Variants in KCNK12 observed in about 807,000 individuals in gnomAD.
KCNK12 encodes potassium channel subfamily K member 12.
Under a neutral mutation model 25.3 loss-of-function variants are expected in KCNK12, and 6 were observed. The ratio of observed to expected loss-of-function variants is 0.24; its 90% CI spans 0.13 to 0.47. The LOEUF is 0.47. Among genes scored for constraint, KCNK12 ranks in the 20% least tolerant of loss-of-function variants. KCNK12 has a pLI of 0.99. For missense variants in KCNK12, 444 were observed against 661.7 expected (o/e 0.67, Z 3.61); for synonymous variants, 331 against 311.1 (o/e 1.06, Z -0.67).
Position 47,557,514 on chromosome 2 carries a change from T to C in KCNK12, c.391+12427A>G, listed in dbSNP as rs1244012221. Among the ~76,000 whole-genome samples, 2 of 152,150 alleles carry C rather than the reference T, an allele frequency of 1.3e-5. No homozygotes were observed. Among genetic ancestry groups the C allele is most frequent in the African/African-American group, 2.4e-5 (1 of 41,444 alleles). On this transcript the variant is annotated intron_variant, in intron 1 of 1. Coordinates refer to ENST00000327876, the MANE Select transcript of KCNK12 (RefSeq NM_022055.2). This position sits in a 1 kb window ranked among gnomAD's most constrained non-coding sequence, Gnocchi z 4.9. ...ACAGACCAAGACAAGCTAAAATTCA[T>C]ACCCAAGACCAGGGCCCCCAGCATT...
Position 47,566,434 on chromosome 2 carries a change from GCA to G in KCNK12, c.391+3505_391+3506del, listed in dbSNP as rs931384057. On this transcript the variant is annotated intron_variant, in intron 1 of 1. Transcript: ENST00000327876. This position sits in a 1 kb window ranked among gnomAD's most constrained non-coding sequence, Gnocchi z 4.1. ...TGTGCACGTGTGTACACACACACGTGCACACACACATACACACACTGGTGCAA... is the reference window on the plus strand; with the variant it reads ...TGTGCACGTGTGTACACACACACGTGCACACACATACACACACTGGTGCAA... The G allele has an allele frequency of 1.4e-3, 206 of 151,722 alleles. 2 individuals carry two copies. The highest frequency in any genetic ancestry group is 4.8e-3 in the African/African-American group (200 of 41,350). 9.4% of individuals were successfully genotyped at this position (151,722 alleles called of 1,614,324 possible).
chr2:47,534,251 C>G (rs1210638689), intron 1 of KCNK12, among the ~76,000 whole-genome samples: 2 of 152,040 alleles, frequency 1.3e-5, no homozygotes, highest in African/African-American at 2.4e-5. Context: ...TGTGCTTTAT[C>G]TCTGGGATTA....
chr2:47,568,317 A>C (rs888194659), intron 1 of KCNK12, among the ~76,000 whole-genome samples: 2 of 151,980 alleles, frequency 1.3e-5, no homozygotes, highest in Non-Finnish European at 2.9e-5. Flanking sequence ...AAAAAAAAAA[A>C]AACTCTAGTT....
chr2:47,537,290 G>A (rs1487975449), intron 1 of KCNK12, among the ~76,000 whole-genome samples: 4 of 151,630 alleles, frequency 2.6e-5, no homozygotes, highest in Non-Finnish European at 5.9e-5. Context: ...ACTTAATTCC[G>A]TACATGGAGC....
chr2:47,554,766 G>C (rs1004152132), intron 1 of KCNK12, among the ~76,000 whole-genome samples: 1 of 152,238 alleles, frequency 6.6e-6, no homozygotes, highest in South Asian at 2.1e-4. Flanking sequence ...AAGGAGCATA[G>C]AGAAAGCTGG....
chr2:47,538,086 A>G lies in KCNK12; in HGVS notation c.392-16278T>C, dbSNP rs1182249395. Among the ~76,000 whole-genome samples, 1 of 152,240 alleles carries G rather than the reference A, an allele frequency of 6.6e-6. No homozygotes were observed. Among genetic ancestry groups the G allele is most frequent in the Non-Finnish European group, 1.5e-5 (1 of 68,034 alleles). Reference sequence around the variant, plus strand: ...AGGGCAGAAGAGGAGTCTATGAAGGAGACCACATTCATTCAACAAACATTT... The same window carrying G: ...AGGGCAGAAGAGGAGTCTATGAAGGGGACCACATTCATTCAACAAACATTT... On this transcript the variant is annotated intron_variant, in intron 1 of 1. Coordinates refer to ENST00000327876, the MANE Select transcript of KCNK12 (RefSeq NM_022055.2). This position sits in a 1 kb window ranked among gnomAD's most constrained non-coding sequence, Gnocchi z 4.5.
chr2:47,551,712 A>G lies in KCNK12; in HGVS notation c.391+18229T>C, dbSNP rs1389841940. 1.3e-5 allele frequency among the ~76,000 whole-genome samples: 2 copies of G among 152,166 alleles called. No individual in the cohort carries two copies. The highest frequency in any genetic ancestry group is 4.8e-5 in the African/African-American group (2 of 41,428). On this transcript the variant is annotated intron_variant, in intron 1 of 1. Transcript: ENST00000327876. This position sits in a 1 kb window ranked among gnomAD's most constrained non-coding sequence, Gnocchi z 5.3. ...TTTTTCTGGAGCTCTCCAGTTCTAGACTCGTTGACACATAAAAATATTTTG... is the reference window on the plus strand; with the variant it reads ...TTTTTCTGGAGCTCTCCAGTTCTAGGCTCGTTGACACATAAAAATATTTTG...
chr2:47,553,335 G>A (rs1669479041), intron 1 of KCNK12, among the ~76,000 whole-genome samples: 1 of 152,212 alleles, frequency 6.6e-6, no homozygotes, highest in South Asian at 2.1e-4. Context: ...GCAGTTCAGA[G>A]CTGAATATAC....
chr2:47,542,904 G>T (rs1431029563), intron 1 of KCNK12, among the ~76,000 whole-genome samples: 1 of 152,224 alleles, frequency 6.6e-6, no homozygotes, highest in Non-Finnish European at 1.5e-5. Flanking sequence ...ATTGGCTTGA[G>T]AATGAGTTCT....
rs532287326 is a variant in KCNK12, at chr2:47,570,664, C to T, written c.-333G>A. 2.7e-4 allele frequency: 45 copies of T among 166,986 alleles called. No individual in the cohort carries two copies. The highest frequency in any genetic ancestry group is 5.1e-4 in the Non-Finnish European group (40 of 78,052). 10.3% of individuals were successfully genotyped at this position (166,986 alleles called of 1,614,324 possible). A position where few individuals can be genotyped will look rare whatever the true frequency, so the allele number is the denominator to read the frequency against. ...GGCTCCGCAGCTAGGCCCCTGCCGCCCGGTGGCCGGCGTCCGCGGGGCCCC... is the reference window on the plus strand; with the variant it reads ...GGCTCCGCAGCTAGGCCCCTGCCGCTCGGTGGCCGGCGTCCGCGGGGCCCC... On this transcript the variant is annotated 5_prime_UTR_variant, in exon 1 of 2. Coordinates refer to ENST00000327876, the MANE Select transcript of KCNK12 (RefSeq NM_022055.2).
rs994384511 is a variant in KCNK12 at position 47,570,082 on chromosome 2, C to G, written c.250G>C (p.Gly84Arg). The G allele has an allele frequency of 2.5e-4, 350 of 1,385,636 alleles. No individual in the cohort carries two copies. Among genetic ancestry groups the G allele is most frequent in the Non-Finnish European group, 3.2e-4 (344 of 1,070,368 alleles). The allele number at this position is 1,385,636 out of a possible 1,614,324, so 85.8% of individuals were successfully genotyped here. Residue 84 changes from glycine (G) to arginine (R), a missense_variant, in exon 1 of 2, where the codon GGC (glycine) becomes CGC (arginine). Physicochemically the swap from Gly to Arg is moderately radical, Grantham distance 125 (BLOSUM62 -2). Coordinates refer to ENST00000327876, the MANE Select transcript of KCNK12 (RefSeq NM_022055.2). ...GCGCGCAGCTCTGGCTCGGCCACGC[C>G]GTGCGCAGCGCTGAAGTTGCGCAGC... is the stretch of plus-strand genomic sequence containing the variant. ...ATLRNFSAAH[G>R]VAEPELRAFL...
intron 1 of KCNK12, among the ~76,000 whole-genome samples, chr2:47,549,934 G>GAA (rs913096691): frequency 8.1e-6 from 1 of 123,528 alleles, no homozygotes; most frequent in African/African-American, 3.0e-5. Context: ...ACTCCACCTC[G>GAA]AAAAAAAAAA....
At chr2:47,561,843 C>T (rs150618477) in intron 1 of KCNK12, among the ~76,000 whole-genome samples, 1 of 152,280 alleles carries the variant, frequency 6.6e-6, no homozygotes, top group East Asian at 1.9e-4. Flanking sequence ...GGCTGCAGTG[C>T]TGGTGTGTTT....
rs1261754233 is a variant in KCNK12 at position 47,516,126 on chromosome 2, C to T, written c.*4781G>A. Among the ~76,000 whole-genome samples, 1 of 152,116 alleles carries T rather than the reference C, an allele frequency of 6.6e-6. No individual in the cohort carries two copies. The highest frequency in any genetic ancestry group is 2.4e-5 in the African/African-American group (1 of 41,424). On this transcript the variant is annotated 3_prime_UTR_variant, in exon 2 of 2. Coordinates refer to ENST00000327876, the MANE Select transcript of KCNK12 (RefSeq NM_022055.2). ...GATCCAAAACTAGAATTCAGACCTCCTAGTTTCTAAGTGGACGCTCTTTCT... is the reference window on the plus strand; with the variant it reads ...GATCCAAAACTAGAATTCAGACCTCTTAGTTTCTAAGTGGACGCTCTTTCT...
chr2:47,514,289 C>T lies in KCNK12; in HGVS notation c.*6618G>A, dbSNP rs1573615454. Among the ~76,000 whole-genome samples the T allele has an allele frequency of 6.6e-6, 1 of 152,246 alleles. No homozygotes were observed. The highest frequency in any genetic ancestry group is 1.5e-5 in the Non-Finnish European group (1 of 68,046). Reference sequence around the variant, plus strand: ...TCTCTTTGGTGTGCCCATGGCAGCCCAGAATGCCTGGTGGACAGGGAGCCC... The same window carrying T: ...TCTCTTTGGTGTGCCCATGGCAGCCTAGAATGCCTGGTGGACAGGGAGCCC... On this transcript the variant is annotated 3_prime_UTR_variant, in exon 2 of 2. Transcript: ENST00000327876. This position sits in a 1 kb window ranked among gnomAD's most constrained non-coding sequence, Gnocchi z 5.0.
Position 47,569,935 on chromosome 2 carries a change from G to C in KCNK12, c.391+6C>G. The C allele has an allele frequency of 7.2e-7, 1 of 1,381,060 alleles. No individual in the cohort carries two copies. The allele number at this position is 1,381,060 out of a possible 1,614,324, so 85.6% of individuals were successfully genotyped here. On this transcript the variant is annotated splice_donor_region_variant and intron_variant, in intron 1 of 1. Coordinates refer to ENST00000327876, the MANE Select transcript of KCNK12 (RefSeq NM_022055.2). This position sits in a 1 kb window ranked among gnomAD's most constrained non-coding sequence, Gnocchi z 4.1. ...AGGAAAGATGCGCGGGGGACGCGCC[G>C]CTCACCTATGGTTGACACCACGGTG...
At chr2:47,532,487 G>A (rs564688753) in intron 1 of KCNK12, among the ~76,000 whole-genome samples, 1 of 152,160 alleles carries the variant, frequency 6.6e-6, no homozygotes, top group South Asian at 2.1e-4. Context: ...TCAGCCTCCA[G>A]AGTAGCTGGG....
At position 47,538,310 on chromosome 2, in the gene KCNK12, G is replaced by C. The variant is rs1669118642; in HGVS notation, c.392-16502C>G. ...AAATAGAGCAGGCTAAGAGGGTGAG[G>C]AGTGTGCGGGCAGGGAGGAGGCAGG... On this transcript the variant is annotated intron_variant, in intron 1 of 1. Transcript: ENST00000327876. The surrounding 1 kb of genome is among the most constrained non-coding windows in gnomAD (Gnocchi z 4.5). Among the ~76,000 whole-genome samples, 1 of 152,298 alleles carries C rather than the reference G, an allele frequency of 6.6e-6. No individual in the cohort carries two copies. The highest frequency in any genetic ancestry group is 6.5e-5 in the Admixed American group (1 of 15,300).
Position 47,525,316 on chromosome 2 carries a change from G to A in KCNK12, c.392-3508C>T, listed in dbSNP as rs969173335. ...TGTGGATTCTTTCACTCACCCCCAG[G>A]CCAGGGGATGGTTGGAGCAGGGAAG... On this transcript the variant is annotated intron_variant, in intron 1 of 1. Coordinates refer to ENST00000327876, the MANE Select transcript of KCNK12 (RefSeq NM_022055.2). This position sits in a 1 kb window ranked among gnomAD's most constrained non-coding sequence, Gnocchi z 4.1. Among the ~76,000 whole-genome samples the A allele has an allele frequency of 6.6e-6, 1 of 152,212 alleles. No homozygotes were observed. The highest frequency in any genetic ancestry group is 1.5e-5 in the Non-Finnish European group (1 of 68,040).
Sources: allele counts gnomAD v4.1 joint callset (sites outside exome capture counted in the v4.1 genomes callset), GRCh38; gene constraint gnomAD v4.1.1; non-coding constraint Gnocchi (gnomAD v3.1); transcripts MANE v1.5; gene names NCBI Gene and HGNC (gene_info 2026-07-23, HGNC 2026-07-21).